Variants in YIPF4 observed in about 807,000 individuals in gnomAD.
The protein encoded by YIPF4 is protein YIPF4.
Under a neutral mutation model 29.4 loss-of-function variants are expected in YIPF4, and 18 were observed. That is an observed-to-expected ratio of 0.61 (90% confidence interval 0.42 to 0.91). The LOEUF (loss-of-function observed/expected upper bound fraction) is 0.91, where lower values mean the gene tolerates loss of function less well. Ranked by LOEUF, YIPF4 falls within the 40% of genes least tolerant of loss-of-function variation. The pLI is 0.00. For missense variants in YIPF4, 279 were observed against 282.7 expected, an observed-to-expected ratio of 0.99 and a Z score of 0.09; for synonymous variants, 115 against 104.7, an observed-to-expected ratio of 1.10 and a Z score of -0.60.
In YIPF4 at chr2:32,298,231, A is replaced by T; in HGVS notation, c.406-3A>T. 1 of 1,599,264 alleles carries T rather than the reference A, an allele frequency of 6.3e-7. No homozygotes were observed. The highest frequency in any genetic ancestry group is 8.6e-7 in the Non-Finnish European group (1 of 1,169,404). ...TATTAATTGCATGATTTTTCCCCCT[A>T]AGGTGGTCTCATGGATTATAACCAT... On this transcript the variant is annotated splice_region_variant and splice_polypyrimidine_tract_variant and intron_variant, in intron 3 of 5. Transcript: ENST00000238831.
At chr2:32,283,900 A>G (rs961452533) in intron 1 of YIPF4, among the ~76,000 whole-genome samples, 13 of 151,718 alleles carry the variant, frequency 8.6e-5, no homozygotes, top group Admixed American at 7.9e-4. Context: ...GTATTTTTTT[A>G]ATAGAGACGG....
intron 1 of YIPF4, among the ~76,000 whole-genome samples, chr2:32,278,761 A>G (rs1171840468): frequency 6.6e-6 from 1 of 152,058 alleles, no homozygotes; most frequent in Non-Finnish European, 1.5e-5. Flanking sequence ...GCATTTTGTA[A>G]TGTTTCACCT....
intron 3 of YIPF4, among the ~76,000 whole-genome samples, chr2:32,295,739 G>C (rs1484500685): frequency 6.6e-6 from 1 of 152,106 alleles, no homozygotes; most frequent in Non-Finnish European, 1.5e-5. Flanking sequence ...ACATAGCTGG[G>C]ATTACAGACA....
Position 32,292,049 on chromosome 2 carries a change from A to G in YIPF4, c.234-128A>G, listed in dbSNP as rs1573532600. 1.9e-5 allele frequency: 10 copies of G among 537,428 alleles called. No individual in the cohort carries two copies. In the East Asian group the frequency reaches 3.3e-4, roughly 18 times the overall value. 33.3% of individuals were successfully genotyped at this position (537,428 alleles called of 1,614,324 possible). A position where few individuals can be genotyped will look rare whatever the true frequency, so the allele number is the denominator to read the frequency against. ...GGAATTAGTGAAATGTGGCACTTCA[A>G]ATGCAAATGTTTTGTTGACCTATGG... On this transcript the variant is annotated intron_variant, in intron 2 of 5. Transcript: ENST00000238831.
Position 32,277,994 on chromosome 2 carries a change from T to A in YIPF4, c.-162T>A. The A allele has an allele frequency of 1.7e-6, 1 of 595,714 alleles. No homozygotes were observed. Among genetic ancestry groups the A allele is most frequent in the Non-Finnish European group, 2.8e-6 (1 of 353,064 alleles). 36.9% of individuals were successfully genotyped at this position (595,714 alleles called of 1,614,324 possible). ...TTTGGTGGGGTAGTCTCGGGGCAGCTCAGCGGCCCGCTGTGCCCGTTTCTG... is the reference window on the plus strand; with the variant it reads ...TTTGGTGGGGTAGTCTCGGGGCAGCACAGCGGCCCGCTGTGCCCGTTTCTG... On this transcript the variant is annotated 5_prime_UTR_variant, in exon 1 of 6. Coordinates refer to ENST00000238831, the MANE Select transcript of YIPF4 (RefSeq NM_032312.4).
rs1403455942 is a variant in YIPF4 at position 32,315,137 on chromosome 2, C to T, written c.*9511C>T. ...GGTGAGTGGCTTTCATCCTCATTGT[C>T]TCAGAAAAGTTATTTCACCTCTAAG... On this transcript the variant is annotated 3_prime_UTR_variant, in exon 6 of 6. Coordinates refer to ENST00000238831, the MANE Select transcript of YIPF4 (RefSeq NM_032312.4). 1 of 152,122 alleles carries T rather than the reference C, an allele frequency of 6.6e-6. No homozygotes were observed. The highest frequency in any genetic ancestry group is 1.9e-4 in the East Asian group (1 of 5,190). 9.4% of individuals were successfully genotyped at this position (152,122 alleles called of 1,614,324 possible).
chr2:32,300,037 C>A (rs1409645037), intron 4 of YIPF4, among the ~76,000 whole-genome samples: 2 of 152,024 alleles, frequency 1.3e-5, no homozygotes, highest in Non-Finnish European at 2.9e-5. Context: ...GAGGCCGGGG[C>A]GGGTGGATCA....
At chr2:32,300,048 C>G (rs1411220508) in intron 4 of YIPF4, among the ~76,000 whole-genome samples, 1 of 152,118 alleles carries the variant, frequency 6.6e-6, no homozygotes, top group Non-Finnish European at 1.5e-5. Flanking sequence ...GGGTGGATCA[C>G]CTGAGGTTGG....
Position 32,278,048 on chromosome 2 carries a change from T to C in YIPF4, c.-108T>C. 1 of 975,206 alleles carries C rather than the reference T, an allele frequency of 1.0e-6. No homozygotes were observed. Among genetic ancestry groups the C allele is most frequent in the Non-Finnish European group, 1.5e-6 (1 of 670,770 alleles). 60.4% of individuals were successfully genotyped at this position (975,206 alleles called of 1,614,324 possible). A position where few individuals can be genotyped will look rare whatever the true frequency, so the allele number is the denominator to read the frequency against. On this transcript the variant is annotated 5_prime_UTR_variant, in exon 1 of 6. Coordinates refer to ENST00000238831, the MANE Select transcript of YIPF4 (RefSeq NM_032312.4). ...TCGCTCGCAGCTTGCACGTCGAGACTCGTAGGCCGCACCGTAGGGCGAGCG... is the reference window on the plus strand; with the variant it reads ...TCGCTCGCAGCTTGCACGTCGAGACCCGTAGGCCGCACCGTAGGGCGAGCG...
chr2:32,279,929 A>T, intron 1 of YIPF4, among the ~76,000 whole-genome samples: 1 of 131,532 alleles, frequency 7.6e-6, no homozygotes, highest in Admixed American at 8.2e-5. Flanking sequence ...GTGTGGTCTC[A>T]CTCGGTTGCC....
In YIPF4 at chr2:32,303,599, T is replaced by C. The variant is rs565203178; in HGVS notation, c.598-1890T>C. On this transcript the variant is annotated intron_variant, in intron 5 of 5. Coordinates refer to ENST00000238831, the MANE Select transcript of YIPF4 (RefSeq NM_032312.4). ...TACTCAGGAGGCTGAGATGGGAGGA[T>C]CGCCTGAGCCCAAGAGGTTGAGGCT... Among the ~76,000 whole-genome samples, 3 of 152,250 alleles carry C rather than the reference T, an allele frequency of 2.0e-5. No individual in the cohort carries two copies. The South Asian group carries it at 6.2e-4, about 32-fold the overall frequency.
chr2:32,278,119 G>A lies in YIPF4; in HGVS notation c.-37G>A, dbSNP rs1440096965. 2.6e-6 allele frequency: 4 copies of A among 1,536,400 alleles called. No homozygotes were observed. Among genetic ancestry groups the A allele is most frequent in the Non-Finnish European group, 3.5e-6 (4 of 1,140,534 alleles). On this transcript the variant is annotated 5_prime_UTR_variant, in exon 1 of 6. Transcript: ENST00000238831. ...GCCTCGGGGTCTGGGCCCAGCCGCAGCCTCTTCTACCGCGGCCGGTTGGGA... is the reference window on the plus strand; with the variant it reads ...GCCTCGGGGTCTGGGCCCAGCCGCAACCTCTTCTACCGCGGCCGGTTGGGA...
At chr2:32,305,130 G>A (rs1025899901) in intron 5 of YIPF4, among the ~76,000 whole-genome samples, 1 of 151,860 alleles carries the variant, frequency 6.6e-6, no homozygotes, top group Admixed American at 6.6e-5. Context: ...AATCACCAGG[G>A]AACTTATTTA....
intron 3 of YIPF4, among the ~76,000 whole-genome samples, chr2:32,293,555 T>A (rs1273835942): frequency 6.6e-6 from 1 of 152,240 alleles, no homozygotes; most frequent in Non-Finnish European, 1.5e-5. Context: ...CCCCTTTCTG[T>A]TCCACAAAAC....
At position 32,310,475 on chromosome 2, in the gene YIPF4, TCA is replaced by T. The variant is rs1205545106; in HGVS notation, c.*4852_*4853del. ...ACCAAATTCCACCCATACTCAAGTC[TCA>T]CAGTCTTCCCTGCAGAATCCAAGTA... On this transcript the variant is annotated 3_prime_UTR_variant, in exon 6 of 6. Transcript: ENST00000238831. The T allele has an allele frequency of 6.6e-6, 1 of 152,202 alleles. No individual in the cohort carries two copies. The highest frequency in any genetic ancestry group is 1.5e-5 in the Non-Finnish European group (1 of 68,052). 9.4% of individuals were successfully genotyped at this position (152,202 alleles called of 1,614,324 possible). A position where few individuals can be genotyped will look rare whatever the true frequency, so the allele number is the denominator to read the frequency against.
chr2:32,278,047 C>A lies in YIPF4; in HGVS notation c.-109C>A. 1 of 968,732 alleles carries A rather than the reference C, an allele frequency of 1.0e-6. No individual in the cohort carries two copies. Among genetic ancestry groups the A allele is most frequent in the South Asian group, 1.7e-5 (1 of 59,248 alleles). The allele number at this position is 968,732 out of a possible 1,614,324, so 60.0% of individuals were successfully genotyped here. The stretch of plus-strand genomic sequence containing the variant: ...CTCGCTCGCAGCTTGCACGTCGAGA[C>A]TCGTAGGCCGCACCGTAGGGCGAGC... On this transcript the variant is annotated 5_prime_UTR_variant, in exon 1 of 6. Coordinates refer to ENST00000238831, the MANE Select transcript of YIPF4 (RefSeq NM_032312.4).
In YIPF4 at chr2:32,315,860, T is replaced by C. The variant is rs148873871; in HGVS notation, c.*10234T>C. 6.6e-6 allele frequency: 1 copy of C among 151,978 alleles called. No homozygotes were observed. The highest frequency in any genetic ancestry group is 1.9e-4 in the East Asian group (1 of 5,154). 9.4% of individuals were successfully genotyped at this position (151,978 alleles called of 1,614,324 possible). ...GCTTTTCATATAATCTTTGAGAAGA[T>C]GGGGCTTTCAAAGCGTTAAATGAAA... On this transcript the variant is annotated 3_prime_UTR_variant, in exon 6 of 6. Coordinates refer to ENST00000238831, the MANE Select transcript of YIPF4 (RefSeq NM_032312.4).
At chr2:32,299,894 A>T (rs186553359) in intron 4 of YIPF4, among the ~76,000 whole-genome samples, 170 of 152,282 alleles carry the variant, frequency 1.1e-3, no homozygotes, top group Admixed American at 2.7e-3. Flanking sequence ...CTGAGGCAGG[A>T]GGATCACTTG....
rs957598124 is a variant in YIPF4 at position 32,307,018 on chromosome 2, CTTA to C, written c.*1395_*1397del. On this transcript the variant is annotated 3_prime_UTR_variant, in exon 6 of 6. Transcript: ENST00000238831. The stretch of plus-strand genomic sequence containing the variant: ...AATCCCAAAAGGAAAGAAAGAAAAA[CTTA>C]TTTTAAGCTGCAGAAAAAGTGTGGA... The C allele has an allele frequency of 3.3e-6, 3 of 909,106 alleles. No individual in the cohort carries two copies. Among genetic ancestry groups the C allele is most frequent in the Middle Eastern group, 2.7e-4 (1 of 3,674 alleles). The allele number at this position is 909,106 out of a possible 1,614,324, so 56.3% of individuals were successfully genotyped here.
Sources: gnomAD v4.1 joint callset for allele counts (sites outside exome capture counted in the v4.1 genomes callset) on GRCh38, gnomAD v4.1.1 for gene constraint, MANE v1.5 for transcripts, NCBI Gene and HGNC (gene_info 2026-07-23, HGNC 2026-07-21) for gene names.